Variants in IL1RAPL2 observed in about 807,000 individuals in gnomAD.
IL1RAPL2 encodes the protein interleukin 1 receptor accessory protein like 2, also known as X-linked interleukin-1 receptor accessory protein-like 2.
In IL1RAPL2, 3 loss-of-function variants were observed where a neutral mutation model predicts 44.1. That is an observed-to-expected ratio of 0.07 (90% CI 0.03 to 0.18). The LOEUF is 0.18. IL1RAPL2 is among the 10% of genes least tolerant of loss of function. The pLI is 1.00. For missense variants in IL1RAPL2, 391 were observed against 496.4 expected, an observed-to-expected ratio of 0.79 and a Z score of 2.02; for synonymous variants, 181 against 178.8, an observed-to-expected ratio of 1.01 and a Z score of -0.10.
At chrX:105,722,541 C>A (rs969451026) in intron 7 of IL1RAPL2, among the ~76,000 whole-genome samples, 4 of 111,317 alleles carry the variant, frequency 3.6e-5, no homozygotes, top group Non-Finnish European at 5.7e-5. Flanking sequence ...TTTAGGTGAA[C>A]CAAGAGAAGA....
chrX:105,611,155 A>G (rs1173315064), intron 6 of IL1RAPL2, among the ~76,000 whole-genome samples: 1 of 112,319 alleles, frequency 8.9e-6, no homozygotes, highest in Non-Finnish European at 1.9e-5. Context: ...AAGCTTATAG[A>G]ATGAGGATAT....
chrX:105,232,530 A>G (rs1408800045), intron 3 of IL1RAPL2, among the ~76,000 whole-genome samples: 2 of 112,049 alleles, frequency 1.8e-5, no homozygotes, highest in Non-Finnish European at 3.8e-5. Context: ...GAATACTCCA[A>G]GATTTACAGC....
chrX:105,279,389 C>G (rs1326713104), intron 5 of IL1RAPL2, among the ~76,000 whole-genome samples: 1 of 111,491 alleles, frequency 9.0e-6, no homozygotes, highest in Non-Finnish European at 1.9e-5. Context: ...AAGCCTGAGC[C>G]CCTCCCACTA....
At chrX:105,247,246 T>C (rs1383183142) in intron 4 of IL1RAPL2, among the ~76,000 whole-genome samples, 2 of 110,765 alleles carry the variant, frequency 1.8e-5, no homozygotes, top group Non-Finnish European at 3.8e-5. Flanking sequence ...GAGGGTCACT[T>C]ATCCAACATG....
intron 2 of IL1RAPL2, among the ~76,000 whole-genome samples, chrX:104,765,792 A>T: frequency 8.9e-6 from 1 of 111,932 alleles, no homozygotes; most frequent in South Asian, 3.7e-4. Context: ...CTGAAAATTG[A>T]AAGTACCTGC....
intron 7 of IL1RAPL2, among the ~76,000 whole-genome samples, chrX:105,719,476 T>G (rs932142470): frequency 1.8e-5 from 2 of 111,616 alleles, no homozygotes; most frequent in East Asian, 5.7e-4. Context: ...AATTCATCAT[T>G]TTAAAATTCA....
chrX:104,956,808 C>G (rs939689910), intron 2 of IL1RAPL2, among the ~76,000 whole-genome samples: 4 of 111,097 alleles, frequency 3.6e-5, no homozygotes, highest in African/African-American at 1.3e-4. Context: ...AAGAGCAGTT[C>G]TGGTTTTCTC....
intron 5 of IL1RAPL2, among the ~76,000 whole-genome samples, chrX:105,462,341 G>A (rs1602423278): frequency 9.0e-6 from 1 of 111,070 alleles, no homozygotes; most frequent in East Asian, 2.8e-4. Flanking sequence ...TCATGAAATT[G>A]CAAAGTAATC....
Position 105,143,384 on chromosome X carries a change from A to G in IL1RAPL2, c.83-52091A>G, listed in dbSNP as rs138125798. 6.1e-4 allele frequency among the ~76,000 whole-genome samples: 68 copies of G among 112,308 alleles called. 1 individual carries two copies. The East Asian group carries it at 0.018, about 30-fold the overall frequency. ...GGCCATCAGAGAAATGCAAATCAAA[A>G]CTACAATGAGATAACATCTCACACC... On this transcript the variant is annotated intron_variant, in intron 2 of 10. Coordinates refer to ENST00000372582, the MANE Select transcript of IL1RAPL2 (RefSeq NM_017416.2).
chrX:105,563,013 A>C (rs1267737540), intron 6 of IL1RAPL2, among the ~76,000 whole-genome samples: 2 of 112,029 alleles, frequency 1.8e-5, no homozygotes, highest in Non-Finnish European at 3.8e-5. Flanking sequence ...AGTAATCGTT[A>C]AGAATAAAAA....
intron 1 of IL1RAPL2, among the ~76,000 whole-genome samples, chrX:104,649,015 C>G (rs183443441): frequency 2.7e-3 from 296 of 111,532 alleles, no homozygotes; most frequent in African/African-American, 8.8e-3. Flanking sequence ...ATCTATTCCC[C>G]TTTTTTGCTA....
chrX:104,632,033 G>A (rs1299020487), intron 1 of IL1RAPL2, among the ~76,000 whole-genome samples: 4 of 111,416 alleles, frequency 3.6e-5, no homozygotes, highest in Non-Finnish European at 7.5e-5. Context: ...GTGTAAGGAA[G>A]GGATCCAGTT....
chrX:104,892,823 G>C (rs930119041), intron 2 of IL1RAPL2, among the ~76,000 whole-genome samples: 1 of 111,124 alleles, frequency 9.0e-6, no homozygotes, highest in Non-Finnish European at 1.9e-5. Context: ...GTTATTTCTT[G>C]CCTTCTGCTA....
At chrX:105,015,869 T>C (rs2031164083) in intron 2 of IL1RAPL2, among the ~76,000 whole-genome samples, 1 of 111,786 alleles carries the variant, frequency 8.9e-6, no homozygotes, top group Admixed American at 9.5e-5. Flanking sequence ...GTTAGCTTGA[T>C]GGGGATAGCA....
chrX:105,477,718 T>G (rs2036207224), intron 5 of IL1RAPL2, among the ~76,000 whole-genome samples: 2 of 111,793 alleles, frequency 1.8e-5, no homozygotes. Context: ...TCCCAAGTCT[T>G]TCTTCCCAAA....
intron 5 of IL1RAPL2, among the ~76,000 whole-genome samples, chrX:105,340,229 C>T (rs1336118551): frequency 9.0e-6 from 1 of 111,407 alleles, no homozygotes. Flanking sequence ...ATTGCTCACA[C>T]CAAAATTCTT....
At chrX:105,204,366 A>G (rs1056293356) in intron 3 of IL1RAPL2, among the ~76,000 whole-genome samples, 2 of 111,862 alleles carry the variant, frequency 1.8e-5, no homozygotes, top group Non-Finnish European at 3.8e-5. Flanking sequence ...TTCTATTGCT[A>G]TAAAGTGCTG....
At chrX:105,400,115 G>A (rs769160321) in intron 5 of IL1RAPL2, among the ~76,000 whole-genome samples, 31 of 111,620 alleles carry the variant, frequency 2.8e-4, no homozygotes, top group African/African-American at 8.1e-4. Context: ...CCATGTTAAT[G>A]AGCTTTTGTC....
intron 5 of IL1RAPL2, among the ~76,000 whole-genome samples, chrX:105,469,206 C>G (rs1310445601): frequency 9.0e-6 from 1 of 110,745 alleles, no homozygotes; most frequent in Non-Finnish European, 1.9e-5. Context: ...AGATTGTGTC[C>G]AAAAAAGATT....
Sources: gnomAD v4.1 joint callset for allele counts (sites outside exome capture counted in the v4.1 genomes callset) on GRCh38, gnomAD v4.1.1 for gene constraint, MANE v1.5 for transcripts, NCBI Gene and HGNC (gene_info 2026-07-23, HGNC 2026-07-21) for gene names.